The following COL26A1 variants were observed in gnomAD, a reference collection of about 807,000 sequenced individuals.
COL26A1 encodes collagen alpha-1(XXVI) chain.
Under a neutral mutation model 59.3 loss-of-function variants are expected in COL26A1, and 41 were observed. The observed-to-expected ratio is 0.69, with a 90% CI of 0.54 to 0.90. The LOEUF is 0.90. COL26A1 is among the 40% of genes least tolerant of loss of function. COL26A1 has a pLI of 0.00. For missense variants in COL26A1, 612 were observed against 602.3 expected, an observed-to-expected ratio of 1.02 and a Z score of -0.17; for synonymous variants, 266 against 256.0, an observed-to-expected ratio of 1.04 and a Z score of -0.37.
At chr7:101,443,348 A>G (rs544284634) in intron 2 of COL26A1, among the ~76,000 whole-genome samples, 2 of 152,152 alleles carry the variant, frequency 1.3e-5, no homozygotes, top group Admixed American at 6.6e-5. Flanking sequence ...TGGAATGTTT[A>G]TGAAACACGA....
intron 5 of COL26A1, among the ~76,000 whole-genome samples, chr7:101,540,511 C>A (rs1028388149): frequency 3.4e-5 from 5 of 148,440 alleles, no homozygotes; most frequent in African/African-American, 1.3e-4. Flanking sequence ...GCACTCCAGC[C>A]TGGGGGACAA....
intron 3 of COL26A1, among the ~76,000 whole-genome samples, chr7:101,491,024 C>G (rs1381969059): frequency 6.6e-6 from 1 of 151,276 alleles, no homozygotes; most frequent in Non-Finnish European, 1.5e-5. Flanking sequence ...GTGGCACATG[C>G]CTGTATTCCC....
chr7:101,401,438 G>C (rs1226188865), intron 1 of COL26A1, among the ~76,000 whole-genome samples: 1 of 151,734 alleles, frequency 6.6e-6, no homozygotes, highest in African/African-American at 2.4e-5. Flanking sequence ...AGAAGGAGAA[G>C]GAAGAGAAAG....
intron 1 of COL26A1, among the ~76,000 whole-genome samples, chr7:101,403,301 C>T (rs1792057301): frequency 1.3e-5 from 2 of 152,228 alleles, no homozygotes; most frequent in South Asian, 4.2e-4. Context: ...GTGTCCCCTC[C>T]TTCATGGGGG....
At position 101,533,120 on chromosome 7, in the gene COL26A1, C is replaced by T. The variant is rs776058150; in HGVS notation, c.424C>T (p.Arg142Ter). 3.7e-6 allele frequency: 6 copies of T among 1,606,796 alleles called. No homozygotes were observed. Among genetic ancestry groups the T allele is most frequent in the South Asian group, 1.1e-5 (1 of 89,688 alleles). Residue 142 changes from arginine to a stop codon, truncating the protein, a stop_gained, in exon 4 of 13, where the codon CGA becomes TGA. Coordinates refer to ENST00000313669, the MANE Select transcript of COL26A1 (RefSeq NM_001278563.3). LOFTEE classifies it high-confidence loss of function. ...NCTRLSDMSE[R>*]LTTLEAKVLL... ...CACCCGGCTCAGTGACATGAGTGAG[C>T]GACTGACCACACTGGAGGCCAAGGT...
rs185493860 is a variant in COL26A1 at position 101,516,106 on chromosome 7, T to A, written c.386-16976T>A. ...GGGTGAACCTGGTTTTAGCCCTGGG[T>A]TGGCCACCATTCAAATGTGTGATTG... is the stretch of plus-strand genomic sequence containing the variant. On this transcript the variant is annotated intron_variant, in intron 3 of 12. Coordinates refer to ENST00000313669, the MANE Select transcript of COL26A1 (RefSeq NM_001278563.3). Among the ~76,000 whole-genome samples, 598 of 152,312 alleles carry A rather than the reference T, an allele frequency of 3.9e-3. 4 individuals are homozygous for A. The highest frequency in any genetic ancestry group is 6.8e-3 in the Middle Eastern group (2 of 294).
intron 1 of COL26A1, among the ~76,000 whole-genome samples, chr7:101,394,777 CTG>C (rs931519888): frequency 2.4e-4 from 36 of 150,982 alleles, no homozygotes; most frequent in African/African-American, 7.8e-4. Flanking sequence ...TGTCCTGACT[CTG>C]TGTCTCTGAG....
Position 101,394,588 on chromosome 7 carries a change from T to TC in COL26A1, c.159-25389_159-25388insC, listed in dbSNP as rs201076299. 5.8e-3 allele frequency among the ~76,000 whole-genome samples: 825 copies of TC among 143,216 alleles called. 7 individuals carry two copies. Among genetic ancestry groups the TC allele is most frequent in the African/African-American group, 0.019 (741 of 38,868 alleles). 94.0% of individuals were successfully genotyped at this position (143,216 alleles called of 152,430 possible). The stretch of plus-strand genomic sequence containing the variant: ...CGCCTAGCTATTTTTTTCTTTTCTT[T>TC]TTTTTTTTTTTTTTTGTAGAGATGG... On this transcript the variant is annotated intron_variant, in intron 1 of 12. Coordinates refer to ENST00000313669, the MANE Select transcript of COL26A1 (RefSeq NM_001278563.3).
At chr7:101,472,629 C>T (rs28637855) in intron 3 of COL26A1, among the ~76,000 whole-genome samples, 11,899 of 152,164 alleles carry the variant, frequency 0.078, 696 homozygotes, top group East Asian at 0.3. Context: ...GCACATTGCG[C>T]CTCGGGAAAA....
chr7:101,520,227 T>C (rs1170894898), intron 3 of COL26A1, among the ~76,000 whole-genome samples: 2 of 151,956 alleles, frequency 1.3e-5, no homozygotes, highest in Non-Finnish European at 2.9e-5. Flanking sequence ...GAAGATGGGG[T>C]CTGAAGGTCT....
chr7:101,507,167 G>A (rs1017231843), intron 3 of COL26A1, among the ~76,000 whole-genome samples: 1 of 151,986 alleles, frequency 6.6e-6, no homozygotes, highest in Non-Finnish European at 1.5e-5. Context: ...CGCCTGCCTC[G>A]GCCTCCCAAA....
intron 1 of COL26A1, among the ~76,000 whole-genome samples, chr7:101,399,714 C>T (rs1416137114): frequency 2.6e-5 from 4 of 152,184 alleles, no homozygotes; most frequent in Admixed American, 1.3e-4. Context: ...CTGCCTCAAC[C>T]TCTCAGAGTG....
intron 2 of COL26A1, among the ~76,000 whole-genome samples, chr7:101,430,918 C>T (rs143134837): frequency 6.2e-4 from 95 of 152,088 alleles, no homozygotes; most frequent in Non-Finnish European, 8.8e-4. Flanking sequence ...CTCAGCCTCC[C>T]GAGTAGCTGG....
intron 2 of COL26A1, among the ~76,000 whole-genome samples, chr7:101,442,693 G>A (rs1793088214): frequency 1.3e-5 from 2 of 152,272 alleles, no homozygotes; most frequent in South Asian, 4.1e-4. Context: ...TAGTCCTCAG[G>A]TATGTGAGCG....
chr7:101,488,997 C>G (rs191452518), intron 3 of COL26A1, among the ~76,000 whole-genome samples: 1 of 152,130 alleles, frequency 6.6e-6, no homozygotes, highest in African/African-American at 2.4e-5. Context: ...ACCTGTTTTG[C>G]GTCTATTTGT....
chr7:101,425,632 G>A (rs916487280), intron 2 of COL26A1, among the ~76,000 whole-genome samples: 3 of 151,226 alleles, frequency 2.0e-5, no homozygotes, highest in Non-Finnish European at 2.9e-5. Context: ...AAGTAGCTGG[G>A]ACTACAGGTG....
chr7:101,486,152 G>A (rs1794263468), intron 3 of COL26A1, among the ~76,000 whole-genome samples: 1 of 151,046 alleles, frequency 6.6e-6, no homozygotes, highest in African/African-American at 2.4e-5. Flanking sequence ...CAGCCTGGGT[G>A]ACAGAGTGAG....
intron 3 of COL26A1, among the ~76,000 whole-genome samples, chr7:101,490,974 G>A (rs1584458149): frequency 8.3e-6 from 1 of 120,776 alleles, no homozygotes. Context: ...ACAGAGAATG[G>A]CTCTGTCTCA....
intron 2 of COL26A1, among the ~76,000 whole-genome samples, chr7:101,428,174 A>G (rs1314775468): frequency 6.6e-6 from 1 of 152,074 alleles, no homozygotes; most frequent in African/African-American, 2.4e-5. Context: ...CCCGGGCAAC[A>G]TAGTGAGACC....
Sources: gnomAD v4.1 joint callset for allele counts (sites outside exome capture counted in the v4.1 genomes callset) on GRCh38, gnomAD v4.1.1 for gene constraint, MANE v1.5 for transcripts, NCBI Gene and HGNC (gene_info 2026-07-23, HGNC 2026-07-21) for gene names.